The following STEAP4 variants were observed in gnomAD, a reference collection of about 807,000 sequenced individuals.
The protein encoded by STEAP4 is STEAP4 metalloreductase, also known as metalloreductase STEAP4.
In STEAP4, 36 loss-of-function variants were observed where a neutral mutation model predicts 43.6. The observed-to-expected ratio is 0.83, with a 90% CI of 0.63 to 1.09. The LOEUF is 1.09. Among genes scored for constraint, STEAP4 ranks in the 50% least tolerant of loss-of-function variants. The pLI is 0.00. For synonymous variants in STEAP4, 191 were observed against 196.7 expected (o/e 0.97, Z 0.24); for missense variants, 495 against 546.5 (o/e 0.91, Z 0.94).
intron 1 of STEAP4, among the ~76,000 whole-genome samples, chr7:88,302,783 A>G (rs1853058263): frequency 6.6e-6 from 1 of 151,676 alleles, no homozygotes; most frequent in Non-Finnish European, 1.5e-5. Flanking sequence ...GCGAAACCCC[A>G]TCTCTACTAA....
intron 1 of STEAP4, among the ~76,000 whole-genome samples, chr7:88,297,148 G>T (rs1025156580): frequency 6.6e-6 from 1 of 152,080 alleles, no homozygotes; most frequent in Admixed American, 6.6e-5. Flanking sequence ...ATCACCTATT[G>T]TGTACCACAT....
rs35621332 is a variant in STEAP4, at chr7:88,275,600, GGTGTGTGTGTGTGTGTGTGTGTGT to G, written c.*3774_*3797del. 6.9e-6 allele frequency: 1 copy of G among 144,960 alleles called. No homozygotes were observed. Among genetic ancestry groups the G allele is most frequent in the African/African-American group, 2.6e-5 (1 of 39,158 alleles). The allele number at this position is 144,960 out of a possible 1,614,324, so 9.0% of individuals were successfully genotyped here. ...TAAGGCTATCTGTGGGCTCTCATGG[GGTGTGTGTGTGTGTGTGTGTGTGT>G]GTGTGTGTGTGTTGGAGAAGTGGTA... On this transcript the variant is annotated 3_prime_UTR_variant, in exon 5 of 5. Transcript: ENST00000380079.
intron 1 of STEAP4, among the ~76,000 whole-genome samples, chr7:88,299,285 C>A (rs551369525): frequency 1.1e-4 from 16 of 152,306 alleles, no homozygotes; most frequent in African/African-American, 3.8e-4. Context: ...TTTTATAATT[C>A]TCTGGCCAAG....
In STEAP4 at chr7:88,283,837, C is replaced by T. The variant is rs181512173; in HGVS notation, c.433G>A (p.Gly145Arg). Residue 145 changes from glycine to arginine, a missense_variant, in exon 2 of 5, where the codon GGA becomes AGA. Physicochemically the swap from Gly to Arg is moderately radical, Grantham distance 125. Coordinates refer to ENST00000380079, the MANE Select transcript of STEAP4 (RefSeq NM_024636.4). Reference sequence around the variant, plus strand: ...ACCTGCCGACTTGCATCCAGTGCTCCTGACTGGAGAGCCCAGGCTGAGATG... The same window carrying T: ...ACCTGCCGACTTGCATCCAGTGCTCTTGACTGGAGAGCCCAGGCTGAGATG... ...NTISAWALQS[G>R]ALDASRQVFV... The T allele has an allele frequency of 3.6e-5, 58 of 1,613,614 alleles. No individual in the cohort carries two copies. The East Asian group carries it at 1.2e-3, about 35-fold the overall frequency.
At chr7:88,297,307 G>A (rs1852939146) in intron 1 of STEAP4, among the ~76,000 whole-genome samples, 1 of 152,072 alleles carries the variant, frequency 6.6e-6, no homozygotes, top group Non-Finnish European at 1.5e-5. Context: ...AAGAAAGTTG[G>A]ACAACACACA....
chr7:88,293,139 T>G (rs917108596), intron 1 of STEAP4, among the ~76,000 whole-genome samples: 2 of 152,166 alleles, frequency 1.3e-5, no homozygotes, highest in African/African-American at 4.8e-5. Flanking sequence ...TATTTATGAG[T>G]CATGATTTTT....
At position 88,271,313 on chromosome 7, in the gene STEAP4, G is replaced by C. The variant is rs1852436238; in HGVS notation, c.*8085C>G. The C allele has an allele frequency of 6.6e-6, 1 of 152,130 alleles. No homozygotes were observed. The highest frequency in any genetic ancestry group is 6.6e-5 in the Admixed American group (1 of 15,264). 9.4% of individuals were successfully genotyped at this position (152,130 alleles called of 1,614,324 possible). A position where few individuals can be genotyped will look rare whatever the true frequency, so the allele number is the denominator to read the frequency against. On this transcript the variant is annotated 3_prime_UTR_variant, in exon 5 of 5. Coordinates refer to ENST00000380079, the MANE Select transcript of STEAP4 (RefSeq NM_024636.4). ...CTTCTACTCCTGTCACTACTCCTCT[G>C]TTCTCCCATCTTGTTTGGTATGGAT...
chr7:88,306,358 A>C (rs2116047096), intron 1 of STEAP4, among the ~76,000 whole-genome samples: 1 of 152,384 alleles, frequency 6.6e-6, no homozygotes, highest in Non-Finnish European at 1.5e-5. Context: ...TTAAATCAAG[A>C]TAAAAAAATG....
In STEAP4 at chr7:88,282,867, G is replaced by GTT; in HGVS notation, c.757_758insAA (p.Thr253LysfsTer45). Reference sequence around the variant, plus strand: ...AGGGAGGTAAACCAAAGCAAGCAGTGTAAGTGCTGTTATTGGAAAGATACG... The same window carrying GTT: ...AGGGAGGTAAACCAAAGCAAGCAGTGTTTAAGTGCTGTTATTGGAAAGATACG... On this transcript the variant is annotated frameshift_variant, in exon 3 of 5. Transcript: ENST00000380079. LOFTEE classifies it high-confidence loss of function. 1.2e-6 allele frequency: 2 copies of GTT among 1,614,176 alleles called. No homozygotes were observed. Among genetic ancestry groups the GTT allele is most frequent in the Non-Finnish European group, 1.7e-6 (2 of 1,180,026 alleles).
chr7:88,298,525 G>A (rs1180525100), intron 1 of STEAP4, among the ~76,000 whole-genome samples: 1 of 146,000 alleles, frequency 6.8e-6, no homozygotes, highest in Non-Finnish European at 1.5e-5. Flanking sequence ...TACTCCAGGG[G>A]GAGAGGAACT....
chr7:88,291,503 A>AAAG (rs1225336461), intron 1 of STEAP4, among the ~76,000 whole-genome samples: 4 of 139,702 alleles, frequency 2.9e-5, no homozygotes, highest in African/African-American at 1.0e-4. Flanking sequence ...AAAAAAAAAA[A>AAAG]AAAAGAAAAG....
rs749580217 is a variant in STEAP4, at chr7:88,284,186, A to G, written c.84T>C (p.Gly28=). 1.5e-5 allele frequency: 25 copies of G among 1,614,068 alleles called. No homozygotes were observed. In the Admixed American group the frequency reaches 4.2e-4, roughly 27 times the overall value. ...KQETVCIFGT[G]DFGRSLGLKM... ...TCAATCCCAGTGATCTTCCAAAATCACCAGTTCCAAAAATACATACAGTCT... is the reference window on the plus strand; with the variant it reads ...TCAATCCCAGTGATCTTCCAAAATCGCCAGTTCCAAAAATACATACAGTCT... The change falls in exon 2 of 5, where the codon GGT becomes GGC. Residue 28 remains glycine, a synonymous_variant. Transcript: ENST00000380079.
chr7:88,283,058 A>C lies in STEAP4; in HGVS notation c.567T>G (p.Ile189Met). Residue 189 changes from isoleucine to methionine, a missense_variant, in exon 3 of 5, where the codon ATT (isoleucine) becomes ATG (methionine). Transcript: ENST00000380079. Reference sequence around the variant, plus strand: ...GAAATAGCTGCAGGGGGTACTTTTCAATTTCTTTGGCTGCCATGAGTGATC... The same window carrying C: ...GAAATAGCTGCAGGGGGTACTTTTCCATTTCTTTGGCTGCCATGAGTGATC... ...DQGSLMAAKE[I>M]EKYPLQLFPM... 2 of 1,613,624 alleles carry C rather than the reference A, an allele frequency of 1.2e-6. No individual in the cohort carries two copies. The highest frequency in any genetic ancestry group is 8.5e-7 in the Non-Finnish European group (1 of 1,179,768).
chr7:88,294,645 T>C (rs1160906423), intron 1 of STEAP4, among the ~76,000 whole-genome samples: 1 of 151,992 alleles, frequency 6.6e-6, no homozygotes, highest in Non-Finnish European at 1.5e-5. Context: ...CTTTTAGTAA[T>C]AAGAACAAAG....
intron 1 of STEAP4, among the ~76,000 whole-genome samples, chr7:88,287,918 CA>C (rs1852763345): frequency 6.6e-6 from 1 of 152,120 alleles, no homozygotes; most frequent in South Asian, 2.1e-4. Flanking sequence ...GTTTCAGAGC[CA>C]AACCATAAAC....
At chr7:88,306,182 C>A (rs1853127564) in intron 1 of STEAP4, among the ~76,000 whole-genome samples, 1 of 152,164 alleles carries the variant, frequency 6.6e-6, no homozygotes, top group African/African-American at 2.4e-5. Context: ...GTACACCAAT[C>A]TTTTAAAGAA....
At chr7:88,295,618 C>G (rs1306169917) in intron 1 of STEAP4, among the ~76,000 whole-genome samples, 2 of 152,122 alleles carry the variant, frequency 1.3e-5, no homozygotes, top group African/African-American at 4.8e-5. Context: ...TTCCTGGTAA[C>G]ACATTAGAAT....
rs2115924285 is a variant in STEAP4 at position 88,273,206 on chromosome 7, T to G, written c.*6192A>C. The G allele has an allele frequency of 6.6e-6, 1 of 152,344 alleles. No homozygotes were observed. The highest frequency in any genetic ancestry group is 2.1e-4 in the South Asian group (1 of 4,826). 9.4% of individuals were successfully genotyped at this position (152,344 alleles called of 1,614,324 possible). A position where few individuals can be genotyped will look rare whatever the true frequency, so the allele number is the denominator to read the frequency against. ...CTACAGAGCTATGGAACACTAAAAC[T>G]TATTTATTTTGCTGTAATGAAATGA... On this transcript the variant is annotated 3_prime_UTR_variant, in exon 5 of 5. Coordinates refer to ENST00000380079, the MANE Select transcript of STEAP4 (RefSeq NM_024636.4).
rs754636966 is a variant in STEAP4, at chr7:88,275,967, C to T, written c.*3431G>A. Reference sequence around the variant, plus strand: ...AATACTATTTTTGAAAGCAGGATAACACCCATCAGAGCTGCAGCAGTCCAG... The same window carrying T: ...AATACTATTTTTGAAAGCAGGATAATACCCATCAGAGCTGCAGCAGTCCAG... On this transcript the variant is annotated 3_prime_UTR_variant, in exon 5 of 5. Coordinates refer to ENST00000380079, the MANE Select transcript of STEAP4 (RefSeq NM_024636.4). The T allele has an allele frequency of 2.0e-5, 3 of 152,180 alleles. No individual in the cohort carries two copies. Among genetic ancestry groups the T allele is most frequent in the Non-Finnish European group, 4.4e-5 (3 of 68,032 alleles). 9.4% of individuals were successfully genotyped at this position (152,180 alleles called of 1,614,324 possible). A position where few individuals can be genotyped will look rare whatever the true frequency, so the allele number is the denominator to read the frequency against.
Sources: allele counts gnomAD v4.1 joint callset (sites outside exome capture counted in the v4.1 genomes callset), GRCh38; gene constraint gnomAD v4.1.1; transcripts MANE v1.5; gene names NCBI Gene and HGNC (gene_info 2026-07-23, HGNC 2026-07-21).